TMEFF2: variants seen among roughly 807,000 people sequenced by gnomAD.
TMEFF2 encodes the protein tomoregulin-2.
A neutral mutation model predicts 53.8 loss-of-function variants in TMEFF2; 28 were observed. The observed-to-expected ratio is 0.52, with a 90% CI of 0.39 to 0.71. The LOEUF (loss-of-function observed/expected upper bound fraction) is 0.71, where lower values mean the gene tolerates loss of function less well. Among genes scored for constraint, TMEFF2 ranks in the 30% least tolerant of loss-of-function variants. The pLI is 0.00. For synonymous variants in TMEFF2, 162 were observed against 166.3 expected (o/e 0.97, Z 0.20); for missense variants, 353 against 455.2 (o/e 0.78, Z 2.04).
chr2:192,107,631 T>G (rs181179134), intron 4 of TMEFF2, among the ~76,000 whole-genome samples: 1 of 151,724 alleles, frequency 6.6e-6, no homozygotes, highest in East Asian at 1.9e-4. Context: ...GGAGCTAAAG[T>G]TTTTTATAGA....
chr2:192,081,099 G>A (rs983412086), intron 4 of TMEFF2, among the ~76,000 whole-genome samples: 4 of 152,048 alleles, frequency 2.6e-5, no homozygotes, highest in African/African-American at 9.7e-5. Flanking sequence ...AGGTATTTTC[G>A]GATGCAATAC....
intron 4 of TMEFF2, among the ~76,000 whole-genome samples, chr2:192,099,149 T>TC (rs1220480205): frequency 6.6e-6 from 1 of 152,100 alleles, no homozygotes. Context: ...CTATTTTCCT[T>TC]CCCTTTTTTT....
At chr2:192,053,773 C>T (rs17352373) in intron 5 of TMEFF2, among the ~76,000 whole-genome samples, 1,837 of 152,264 alleles carry the variant, frequency 0.012, 18 homozygotes, top group Non-Finnish European at 0.019. Flanking sequence ...CAGATCACTC[C>T]GCTATTGCTT....
intron 7 of TMEFF2, among the ~76,000 whole-genome samples, chr2:191,979,158 G>T (rs140518176): frequency 1.3e-5 from 2 of 152,196 alleles, no homozygotes; most frequent in African/African-American, 4.8e-5. Flanking sequence ...AAATAGGAAA[G>T]AGGTAAAAAT....
At chr2:192,186,787 A>G (rs1691325829) in intron 2 of TMEFF2, among the ~76,000 whole-genome samples, 1 of 152,156 alleles carries the variant, frequency 6.6e-6, no homozygotes, top group South Asian at 2.1e-4. Flanking sequence ...AATTTTATTT[A>G]TTTATCCTTC....
rs1436946106 is a variant in TMEFF2, at chr2:192,165,106, T to C, written c.439+14562A>G. On this transcript the variant is annotated intron_variant, in intron 4 of 9. Transcript: ENST00000272771. ...AGATGTTTCTATGACTAGTGCCGTA[T>C]TTCTCCTTAATAGAAACACCTTACT... is the stretch of plus-strand genomic sequence containing the variant. Among the ~76,000 whole-genome samples, 40 of 152,108 alleles carry C rather than the reference T, an allele frequency of 2.6e-4. 1 individual carries two copies. The highest frequency in any genetic ancestry group is 1.5e-5 in the Non-Finnish European group (1 of 68,034).
chr2:192,002,716 G>T (rs573731454), intron 5 of TMEFF2, among the ~76,000 whole-genome samples: 1 of 152,260 alleles, frequency 6.6e-6, no homozygotes, highest in South Asian at 2.1e-4. Context: ...TGTAATCCCA[G>T]CTACTCAGGA....
chr2:191,997,235 A>G (rs1686245215), intron 7 of TMEFF2, among the ~76,000 whole-genome samples: 1 of 151,934 alleles, frequency 6.6e-6, no homozygotes, highest in South Asian at 2.1e-4. Context: ...TAAAAAATCC[A>G]TCTACATATT....
chr2:192,038,581 T>C (rs1052817131), intron 5 of TMEFF2, among the ~76,000 whole-genome samples: 2 of 152,040 alleles, frequency 1.3e-5, no homozygotes, highest in Admixed American at 6.6e-5. Flanking sequence ...GCCTCTGCCT[T>C]CCCCAGCTCA....
chr2:192,193,058 G>A (rs1559166743), intron 1 of TMEFF2, among the ~76,000 whole-genome samples: 1 of 152,042 alleles, frequency 6.6e-6, no homozygotes, highest in African/African-American at 2.4e-5. Context: ...TTTCCTTTTG[G>A]CATTTACATC....
chr2:192,075,341 A>AT (rs1486339381), intron 4 of TMEFF2, among the ~76,000 whole-genome samples: 1 of 138,242 alleles, frequency 7.2e-6, no homozygotes, highest in African/African-American at 2.8e-5. Flanking sequence ...ATACATACAT[A>AT]CTATGTATAT....
rs143205635 is a variant in TMEFF2, at chr2:191,988,483, C to T, written c.745+9779G>A. Among the ~76,000 whole-genome samples the T allele has an allele frequency of 7.4e-4, 113 of 152,226 alleles. 4 individuals are homozygous for T. The East Asian group carries it at 0.02, about 27-fold the overall frequency. ...TTTGTAGAATAATTTTGACATTACA[C>T]GAACAGCCAATCTGCAGAAGTGAAT... On this transcript the variant is annotated intron_variant, in intron 7 of 9. Transcript: ENST00000272771.
At chr2:192,046,941 G>C (rs990695411) in intron 5 of TMEFF2, among the ~76,000 whole-genome samples, 8 of 148,192 alleles carry the variant, frequency 5.4e-5, no homozygotes, top group African/African-American at 2.0e-4. Flanking sequence ...TATTTTTTTA[G>C]ATGGAGTCTT....
chr2:192,105,329 C>A (rs1443098615), intron 4 of TMEFF2, among the ~76,000 whole-genome samples: 1 of 151,858 alleles, frequency 6.6e-6, no homozygotes, highest in Non-Finnish European at 1.5e-5. Flanking sequence ...ACCTACTGAG[C>A]ATATCTATCA....
intron 7 of TMEFF2, among the ~76,000 whole-genome samples, 197 bp downstream of exon 7, chr2:191,998,065 T>G (rs1385296158): frequency 6.6e-6 from 1 of 151,960 alleles, no homozygotes; most frequent in Non-Finnish European, 1.5e-5. Context: ...TTGCTTTAAC[T>G]CTGGCAAAAA....
At chr2:192,110,094 G>A (rs1482545839) in intron 4 of TMEFF2, among the ~76,000 whole-genome samples, 2 of 152,064 alleles carry the variant, frequency 1.3e-5, no homozygotes, top group Admixed American at 6.6e-5. Context: ...ATGAAGATGA[G>A]CCAGCAAAAA....
intron 7 of TMEFF2, among the ~76,000 whole-genome samples, chr2:191,969,944 T>C (rs1389440374): frequency 6.6e-6 from 1 of 152,206 alleles, no homozygotes; most frequent in Non-Finnish European, 1.5e-5. Flanking sequence ...CAGAATTTTA[T>C]AGGTTTTGCT....
intron 7 of TMEFF2, among the ~76,000 whole-genome samples, chr2:191,978,480 A>G (rs753296861): frequency 2.0e-5 from 3 of 152,000 alleles, no homozygotes; most frequent in Non-Finnish European, 2.9e-5. Flanking sequence ...AAGCAATTAT[A>G]TTGATCTATC....
At chr2:192,085,896 T>C (rs1386430486) in intron 4 of TMEFF2, among the ~76,000 whole-genome samples, 1 of 152,090 alleles carries the variant, frequency 6.6e-6, no homozygotes, top group Non-Finnish European at 1.5e-5. Context: ...TTTCAAAGGA[T>C]ATATTCATAT....
Sources: allele counts gnomAD v4.1 joint callset (sites outside exome capture counted in the v4.1 genomes callset), GRCh38; gene constraint gnomAD v4.1.1; transcripts MANE v1.5; gene names NCBI Gene and HGNC (gene_info 2026-07-23, HGNC 2026-07-21).